The following INPP4A variants were observed in gnomAD, a reference collection of about 807,000 sequenced individuals.
The protein encoded by INPP4A is inositol polyphosphate-4-phosphatase type I A.
A neutral mutation model predicts 119.8 loss-of-function variants in INPP4A; 33 were observed. The ratio of observed to expected loss-of-function variants is 0.28; its 90% CI spans 0.21 to 0.37. The LOEUF (loss-of-function observed/expected upper bound fraction) is 0.37. INPP4A is among the 10% of genes least tolerant of loss of function. The pLI, the probability that INPP4A is intolerant of heterozygous loss-of-function variation, is 1.00. For missense variants in INPP4A, 956 were observed against 1,289.9 expected (o/e 0.74, Z 3.97); for synonymous variants, 496 against 500.7 (o/e 0.99, Z 0.12).
chr2:98,536,878 G>C (rs987780607), intron 7 of INPP4A, among the ~76,000 whole-genome samples: 1 of 152,218 alleles, frequency 6.6e-6, no homozygotes, highest in East Asian at 1.9e-4. Context: ...GGCATTGGCT[G>C]TCTAATCAGT....
intron 1 of INPP4A, among the ~76,000 whole-genome samples, chr2:98,455,638 A>C (rs966774251): frequency 6.6e-6 from 1 of 152,178 alleles, no homozygotes; most frequent in Non-Finnish European, 1.5e-5. Flanking sequence ...TGGAGTGGTG[A>C]TAGTGCCCAG....
chr2:98,483,502 G>T (rs925746898), intron 1 of INPP4A, among the ~76,000 whole-genome samples: 3 of 152,102 alleles, frequency 2.0e-5, no homozygotes, highest in African/African-American at 7.2e-5. Flanking sequence ...GTTCCCCCCC[G>T]GTCTTGTCTT....
chr2:98,498,040 T>C (rs1682383892), intron 1 of INPP4A, among the ~76,000 whole-genome samples: 1 of 152,188 alleles, frequency 6.6e-6, no homozygotes, highest in South Asian at 2.1e-4. Context: ...CTGTGGACTT[T>C]TGAGTTAATG....
chr2:98,574,857 C>G (rs1291524670), intron 23 of INPP4A, among the ~76,000 whole-genome samples: 1 of 152,162 alleles, frequency 6.6e-6, no homozygotes, highest in Admixed American at 6.5e-5. Context: ...AACTGACCAT[C>G]CCCTGTCACC....
chr2:98,527,231 AC>A (rs1688349714), intron 4 of INPP4A, among the ~76,000 whole-genome samples: 1 of 152,200 alleles, frequency 6.6e-6, no homozygotes, highest in Admixed American at 6.5e-5. Context: ...TGGAGATCCT[AC>A]AAAAAAGCCC....
intron 4 of INPP4A, chr2:98,521,042 A>C: frequency 3.9e-6 from 1 of 254,438 alleles, no homozygotes; most frequent in Non-Finnish European, 7.4e-6. Context: ...GACCCTCCCC[A>C]CCCCCACCCC....
At chr2:98,557,970 A>C (rs893729546) in intron 16 of INPP4A, among the ~76,000 whole-genome samples, 2 of 152,164 alleles carry the variant, frequency 1.3e-5, no homozygotes, top group African/African-American at 4.8e-5. Context: ...GGTTAGACCA[A>C]GTTTTTCTTA....
At position 98,593,743 on chromosome 2, in the gene INPP4A, G is replaced by T. The variant is rs192936712; in HGVS notation, c.*6135G>T. 6.6e-6 allele frequency: 1 copy of T among 152,476 alleles called. No individual in the cohort carries two copies. Among genetic ancestry groups the T allele is most frequent in the East Asian group, 1.9e-4 (1 of 5,186 alleles). 9.4% of individuals were successfully genotyped at this position (152,476 alleles called of 1,614,324 possible). The stretch of plus-strand genomic sequence containing the variant: ...CTCCACATCCCATCAATCAGCCACT[G>T]AACCTGTATCTCTTGAGAACCATCC... On this transcript the variant is annotated 3_prime_UTR_variant, in exon 25 of 25. Coordinates refer to ENST00000409851, the MANE Select transcript of INPP4A (RefSeq NM_001134225.2).
chr2:98,466,598 C>T (rs1308921615), intron 1 of INPP4A, among the ~76,000 whole-genome samples: 1 of 152,212 alleles, frequency 6.6e-6, no homozygotes, highest in Non-Finnish European at 1.5e-5. Context: ...AGTTGTCACC[C>T]AGCTGGTTGG....
chr2:98,541,415 C>T (rs1691433745), intron 10 of INPP4A, among the ~76,000 whole-genome samples: 2 of 151,462 alleles, frequency 1.3e-5, no homozygotes, highest in South Asian at 4.2e-4. Context: ...TTGCCAATTG[C>T]TTTCTCTATA....
chr2:98,456,371 G>A (rs1696136946), intron 1 of INPP4A, among the ~76,000 whole-genome samples: 1 of 152,224 alleles, frequency 6.6e-6, no homozygotes, highest in African/African-American at 2.4e-5. Flanking sequence ...GTCTTGCTGT[G>A]TTGCCCAGGC....
intron 9 of INPP4A, 101 bp from the exon 10 acceptor site, chr2:98,539,427 C>A: frequency 7.7e-7 from 1 of 1,290,610 alleles, no homozygotes; most frequent in Admixed American, 2.2e-5. Context: ...AGTGAGAGGA[C>A]TTGAGGTGTC....
intron 1 of INPP4A, among the ~76,000 whole-genome samples, chr2:98,489,743 T>A (rs777478336): frequency 6.6e-6 from 1 of 152,106 alleles, no homozygotes; most frequent in Non-Finnish European, 1.5e-5. Context: ...TTTTCTCTAG[T>A]CTGTAACTAT....
At position 98,569,988 on chromosome 2, in the gene INPP4A, G is replaced by A. The variant is rs544706735; in HGVS notation, c.2518+1320G>A. Among the ~76,000 whole-genome samples the A allele has an allele frequency of 5.9e-5, 9 of 152,260 alleles. No individual in the cohort carries two copies. In the South Asian group the frequency reaches 1.9e-3, roughly 32 times the overall value. On this transcript the variant is annotated intron_variant, in intron 22 of 24. Transcript: ENST00000409851. The surrounding 1 kb of genome is among the most constrained non-coding windows in gnomAD (Gnocchi z 5.1). ...GGAGAGAGGGATGAGGCGTTAGGGG[G>A]GTTTGGGCTGAGGATGCACTCCTCA...
chr2:98,517,210 C>T (rs529335509), intron 1 of INPP4A, among the ~76,000 whole-genome samples: 1 of 152,304 alleles, frequency 6.6e-6, no homozygotes, highest in South Asian at 2.1e-4. Flanking sequence ...CTTAACTTTT[C>T]CCCTTGACGT....
At chr2:98,491,097 C>T (rs1203481826) in intron 1 of INPP4A, among the ~76,000 whole-genome samples, 8 of 152,308 alleles carry the variant, frequency 5.3e-5, no homozygotes, top group East Asian at 1.9e-4. Flanking sequence ...CTGCCTATGT[C>T]GGCTTGCAGC....
intron 1 of INPP4A, among the ~76,000 whole-genome samples, chr2:98,487,642 T>C (rs188946636): frequency 1.9e-3 from 282 of 152,346 alleles, no homozygotes; most frequent in African/African-American, 6.4e-3. Flanking sequence ...GACAATTCTC[T>C]GTTTTATTTG....
intron 1 of INPP4A, among the ~76,000 whole-genome samples, chr2:98,460,136 T>TGTGTGTGTGTGTGTGTGTGTGTGTGTG (rs1558872495): frequency 6.6e-6 from 1 of 152,012 alleles, no homozygotes; most frequent in African/African-American, 2.4e-5. Flanking sequence ...TGTGTGTATG[T>TGTGTGTGTGTGTGTGTGTGTGTGTGTG]TTAAAATTAA....
chr2:98,458,478 A>G (rs997460830), intron 1 of INPP4A, among the ~76,000 whole-genome samples: 1 of 152,140 alleles, frequency 6.6e-6, no homozygotes, highest in African/African-American at 2.4e-5. Flanking sequence ...GCCTGAGCCT[A>G]GTGATTATCT....
Sources: allele counts gnomAD v4.1 joint callset (sites outside exome capture counted in the v4.1 genomes callset), GRCh38; gene constraint gnomAD v4.1.1; non-coding constraint Gnocchi (gnomAD v3.1); transcripts MANE v1.5; gene names NCBI Gene and HGNC (gene_info 2026-07-23, HGNC 2026-07-21).